The following SGCZ variants were observed in gnomAD, a reference collection of about 807,000 sequenced individuals.
SGCZ encodes sarcoglycan zeta, also known as zeta-sarcoglycan.
SGCZ carries 40 observed loss-of-function variants against 41.3 expected under a neutral mutation model. The observed-to-expected ratio is 0.97, with a 90% CI of 0.75 to 1.26. The LOEUF (loss-of-function observed/expected upper bound fraction) is 1.26. SGCZ is among the 50% of genes most tolerant of loss of function. The probability of loss-of-function intolerance (pLI) is 0.00; values close to 1 mark genes in which losing one functional copy is unlikely to be tolerated. For synonymous variants in SGCZ, 206 were observed against 137.5 expected (o/e 1.50, Z -3.49); for missense variants, 552 against 369.8 (o/e 1.49, Z -4.04).
intron 4 of SGCZ, among the ~76,000 whole-genome samples, chr8:14,180,385 G>T (rs1035647970): frequency 6.6e-6 from 1 of 152,138 alleles, no homozygotes; most frequent in Non-Finnish European, 1.5e-5. Context: ...GGCCAGCATG[G>T]CAGTGGAGCC....
rs567113618 is a variant in SGCZ, at chr8:15,050,531, G to A, written c.39+187054C>T. Among the ~76,000 whole-genome samples, 10 of 152,310 alleles carry A rather than the reference G, an allele frequency of 6.6e-5. No homozygotes were observed. The South Asian group carries it at 2.1e-3, about 32-fold the overall frequency. On this transcript the variant is annotated intron_variant, in intron 1 of 7. Coordinates refer to ENST00000382080, the MANE Select transcript of SGCZ (RefSeq NM_139167.4). The stretch of plus-strand genomic sequence containing the variant: ...AAGAAGACAACATGTGACCCATGAT[G>A]TAAGAAGAGAACTATGAGTATGCGC...
At chr8:14,438,771 A>G (rs980646676) in intron 2 of SGCZ, among the ~76,000 whole-genome samples, 1 of 151,976 alleles carries the variant, frequency 6.6e-6, no homozygotes, top group Admixed American at 6.6e-5. Context: ...GTAACATTAT[A>G]TTAATTAATA....
chr8:14,835,281 G>A (rs4422772), intron 1 of SGCZ, among the ~76,000 whole-genome samples: 24,824 of 152,002 alleles, frequency 0.16, 2,511 homozygotes, highest in East Asian at 0.29. Context: ...GAACTAACCT[G>A]ACCTATTATA....
intron 3 of SGCZ, among the ~76,000 whole-genome samples, chr8:14,301,233 T>A (rs1801176242): frequency 6.6e-6 from 1 of 152,040 alleles, no homozygotes; most frequent in African/African-American, 2.4e-5. Context: ...AATGTATGTA[T>A]TATTTAAGCT....
intron 2 of SGCZ, among the ~76,000 whole-genome samples, chr8:14,427,072 A>ATGAG (rs1232927630): frequency 8.2e-5 from 12 of 146,190 alleles, no homozygotes; most frequent in Non-Finnish European, 1.4e-4. Context: ...GAATGAGTGA[A>ATGAG]TGAACGAATG....
chr8:14,605,996 T>C lies in SGCZ; in HGVS notation c.40-51070A>G, dbSNP rs147220990. The stretch of plus-strand genomic sequence containing the variant: ...CTAATAATATGCCAAAAACTGATAA[T>C]CATTCTGTATACCTTTCTCTATGTA... On this transcript the variant is annotated intron_variant, in intron 1 of 7. Coordinates refer to ENST00000382080, the MANE Select transcript of SGCZ (RefSeq NM_139167.4). Among the ~76,000 whole-genome samples, 783 of 152,264 alleles carry C rather than the reference T, an allele frequency of 5.1e-3. 5 individuals carry two copies. Among genetic ancestry groups the C allele is most frequent in the African/African-American group, 0.018 (736 of 41,546 alleles).
At chr8:15,196,054 C>A (rs1800719458) in intron 1 of SGCZ, among the ~76,000 whole-genome samples, 1 of 147,124 alleles carries the variant, frequency 6.8e-6, no homozygotes, top group South Asian at 2.2e-4. Context: ...CCCGCTACCA[C>A]GCCCGGCTAA....
In SGCZ at chr8:15,203,124, CA is replaced by C. The variant is rs141894657; in HGVS notation, c.39+34460del. ...GACTCAGTCTCAAAAAACAAACAAA[CA>C]AAAAAAAACACCAATATGTGCCTTA... On this transcript the variant is annotated intron_variant, in intron 1 of 7. Transcript: ENST00000382080. Among the ~76,000 whole-genome samples the C allele has an allele frequency of 4.7e-5, 7 of 150,126 alleles. No individual in the cohort carries two copies. The East Asian group carries it at 1.4e-3, about 29-fold the overall frequency.
intron 1 of SGCZ, among the ~76,000 whole-genome samples, chr8:15,148,281 T>C (rs1799088390): frequency 6.6e-6 from 1 of 152,192 alleles, no homozygotes; most frequent in Non-Finnish European, 1.5e-5. Context: ...TGGGATAAGC[T>C]GAGGATTTGA....
At chr8:14,888,936 G>A (rs1051527733) in intron 1 of SGCZ, among the ~76,000 whole-genome samples, 1 of 152,064 alleles carries the variant, frequency 6.6e-6, no homozygotes, top group Non-Finnish European at 1.5e-5. Flanking sequence ...AAAACTTGGT[G>A]CATATTTCAA....
chr8:14,230,385 A>G (rs1196359272), intron 4 of SGCZ, among the ~76,000 whole-genome samples: 1 of 152,122 alleles, frequency 6.6e-6, no homozygotes, highest in Admixed American at 6.6e-5. Flanking sequence ...AAGCGTTCCA[A>G]TACCTTACTA....
chr8:14,878,179 CTTCTTTTT>C (rs1256119173), intron 1 of SGCZ, among the ~76,000 whole-genome samples: 1 of 150,646 alleles, frequency 6.6e-6, no homozygotes, highest in East Asian at 1.9e-4. Flanking sequence ...TCAAGGCAGT[CTTCTTTTT>C]TTCTTTTTTT....
intron 1 of SGCZ, among the ~76,000 whole-genome samples, chr8:15,029,931 G>C (rs1334031085): frequency 6.6e-6 from 1 of 152,114 alleles, no homozygotes; most frequent in Non-Finnish European, 1.5e-5. Context: ...AATGGAATGT[G>C]TGCCTTTTTG....
intron 1 of SGCZ, among the ~76,000 whole-genome samples, chr8:15,209,401 A>T (rs1801168939): frequency 1.9e-5 from 1 of 52,452 alleles, no homozygotes; most frequent in African/African-American, 5.0e-5. Context: ...TTCACATTTT[A>T]TTCCCATATC....
chr8:15,093,460 A>C (rs1165038379), intron 1 of SGCZ, among the ~76,000 whole-genome samples: 1 of 152,212 alleles, frequency 6.6e-6, no homozygotes. Context: ...TTGTAGTGAT[A>C]ATTTTGTAGT....
intron 1 of SGCZ, among the ~76,000 whole-genome samples, chr8:14,883,679 G>T (rs957651006): frequency 6.6e-6 from 1 of 150,456 alleles, no homozygotes; most frequent in Non-Finnish European, 1.5e-5. Flanking sequence ...ACCCAGCTTG[G>T]TTTCTAGATT....
intron 1 of SGCZ, among the ~76,000 whole-genome samples, chr8:14,806,556 C>G (rs1277489495): frequency 6.6e-6 from 1 of 152,132 alleles, no homozygotes; most frequent in Non-Finnish European, 1.5e-5. Flanking sequence ...CTGAATAGAC[C>G]AATAACAGAA....
At chr8:15,033,282 C>T (rs1365663202) in intron 1 of SGCZ, among the ~76,000 whole-genome samples, 1 of 152,008 alleles carries the variant, frequency 6.6e-6, no homozygotes, top group African/African-American at 2.4e-5. Context: ...AGGTCAGCCC[C>T]AGAATAACCA....
intron 1 of SGCZ, among the ~76,000 whole-genome samples, chr8:14,814,543 C>T (rs1801839310): frequency 6.6e-6 from 1 of 152,296 alleles, no homozygotes; most frequent in African/African-American, 2.4e-5. Flanking sequence ...TGTAAAGCAG[C>T]ATCTCATAGC....
Sources: allele counts gnomAD v4.1 joint callset (sites outside exome capture counted in the v4.1 genomes callset), GRCh38; gene constraint gnomAD v4.1.1; transcripts MANE v1.5; gene names NCBI Gene and HGNC (gene_info 2026-07-23, HGNC 2026-07-21).